Variants in ZMAT1 observed in about 807,000 individuals in gnomAD.
ZMAT1 encodes the protein zinc finger matrin-type 1.
In ZMAT1, 11 loss-of-function variants were observed where a neutral mutation model predicts 18.5. The ratio of observed to expected loss-of-function variants is 0.59; its 90% CI spans 0.37 to 0.98. The LOEUF (loss-of-function observed/expected upper bound fraction) is 0.98, where lower values mean the gene tolerates loss of function less well. ZMAT1 is among the 50% of genes least tolerant of loss of function. ZMAT1 has a pLI of 0.01. For missense variants in ZMAT1, 525 were observed against 496.2 expected, an observed-to-expected ratio of 1.06 and a Z score of -0.55; for synonymous variants, 211 against 176.4, an observed-to-expected ratio of 1.20 and a Z score of -1.55.
intron 1 of ZMAT1, among the ~76,000 whole-genome samples, chrX:101,931,131 A>G (rs746392973): frequency 1.8e-5 from 2 of 111,739 alleles, no homozygotes; most frequent in Non-Finnish European, 3.8e-5. Flanking sequence ...GACAGATCCT[A>G]CTTTAAAGCT....
At chrX:101,927,213 A>G (rs967592031) in intron 1 of ZMAT1, among the ~76,000 whole-genome samples, 13 of 112,628 alleles carry the variant, frequency 1.2e-4, no homozygotes, top group African/African-American at 3.2e-4. Context: ...GAAAAGAATG[A>G]GCAGAGCACA....
intron 1 of ZMAT1, 102 bp downstream of exon 1, chrX:101,931,615 G>GA: frequency 1.4e-6 from 1 of 712,994 alleles, no homozygotes; most frequent in Non-Finnish European, 1.7e-6. Context: ...CGGCAGGTGG[G>GA]GGTGGGGCAG....
At chrX:101,927,780 G>A (rs1364250939) in intron 1 of ZMAT1, among the ~76,000 whole-genome samples, 3 of 112,046 alleles carry the variant, frequency 2.7e-5, no homozygotes, top group African/African-American at 9.7e-5. Context: ...GTTAGTAAAT[G>A]TGAATGAATC....
Position 101,901,486 on chromosome X carries a change from C to A in ZMAT1, c.399+2738G>T, listed in dbSNP as rs140931487. Among the ~76,000 whole-genome samples the A allele has an allele frequency of 1.9e-4, 21 of 111,256 alleles. No homozygotes were observed. The East Asian group carries it at 5.4e-3, about 28-fold the overall frequency. ...ACATAATTTTAAAATGTGAAATATA[C>A]CCATTGTATAGGAAAGAACAGGAAA... On this transcript the variant is annotated intron_variant, in intron 2 of 5. Coordinates refer to ENST00000651725, the MANE Select transcript of ZMAT1 (RefSeq NM_001394560.1).
intron 4 of ZMAT1, among the ~76,000 whole-genome samples, chrX:101,893,900 A>G (rs141669537): frequency 9.0e-6 from 1 of 111,579 alleles, no homozygotes; most frequent in East Asian, 2.8e-4. Context: ...ACTGACCCAC[A>G]TAGATCATGC....
chrX:101,916,776 C>T (rs1461675166), intron 1 of ZMAT1, among the ~76,000 whole-genome samples: 4 of 111,651 alleles, frequency 3.6e-5, no homozygotes, highest in Non-Finnish European at 5.6e-5. Flanking sequence ...TCCTCCATTG[C>T]CTGACTTCAA....
At chrX:101,924,394 G>A (rs1421841702) in intron 1 of ZMAT1, among the ~76,000 whole-genome samples, 1 of 112,253 alleles carries the variant, frequency 8.9e-6, no homozygotes, top group Non-Finnish European at 1.9e-5. Flanking sequence ...TTACAGGCGT[G>A]AGCCACCGTG....
chrX:101,885,174 A>G (rs947396076), intron 5 of ZMAT1, among the ~76,000 whole-genome samples: 1 of 111,129 alleles, frequency 9.0e-6, no homozygotes, highest in African/African-American at 3.3e-5. Context: ...AAAGTAGCAG[A>G]TATATCTGAT....
At chrX:101,924,420 T>C (rs1289368964) in intron 1 of ZMAT1, among the ~76,000 whole-genome samples, 4 of 112,391 alleles carry the variant, frequency 3.6e-5, no homozygotes, top group Admixed American at 9.4e-5. Flanking sequence ...CCAAGGAGCC[T>C]ACTTTAGTGA....
chrX:101,884,559 T>C lies in ZMAT1; in HGVS notation c.1039A>G (p.Met347Val), dbSNP rs745816021. The part of the protein sequence containing the change: ...YAAPYNISQA[M>V]EKQLPHSKKT... The stretch of plus-strand genomic sequence containing the variant: ...TTTGAATGAGGTAACTGCTTTTCCA[T>C]TGCTTGTGAAATATTGTATGGTGCT... Residue 347 changes from methionine to valine, a missense_variant, in exon 6 of 6, where the codon ATG becomes GTG. Met to Val is a conservative substitution (Grantham distance 21). Coordinates refer to ENST00000651725, the MANE Select transcript of ZMAT1 (RefSeq NM_001394560.1). The C allele has an allele frequency of 8.3e-7, 1 of 1,211,114 alleles. No homozygotes were observed. The highest frequency in any genetic ancestry group is 1.8e-5 in the South Asian group (1 of 56,967).
In ZMAT1 at chrX:101,886,744, A is replaced by G. The variant is rs758221796; in HGVS notation, c.677-13T>C. ...CTCATACTAAATGCTGAAAAAACAA[A>G]GAGTTCAAGTTAAGAAGGTCAGTAT... On this transcript the variant is annotated splice_polypyrimidine_tract_variant and intron_variant, in intron 4 of 5. Coordinates refer to ENST00000651725, the MANE Select transcript of ZMAT1 (RefSeq NM_001394560.1). 3.0e-5 allele frequency: 34 copies of G among 1,126,658 alleles called. No individual in the cohort carries two copies. In the East Asian group the frequency reaches 8.7e-4, roughly 29 times the overall value. The allele number at this position is 1,126,658 out of a possible 1,213,427, so 92.8% of individuals were successfully genotyped here. A position where few individuals can be genotyped will look rare whatever the true frequency, so the allele number is the denominator to read the frequency against.
chrX:101,916,241 G>T (rs2147658744), intron 1 of ZMAT1, among the ~76,000 whole-genome samples: 1 of 109,862 alleles, frequency 9.1e-6, no homozygotes, highest in African/African-American at 3.3e-5. Flanking sequence ...GGCCAGTTGG[G>T]GGGTGGGGGC....
rs780807122 is a variant in ZMAT1, at chrX:101,898,127, T to G, written c.493A>C (p.Asn165His). 1.4e-5 allele frequency: 17 copies of G among 1,208,707 alleles called. No homozygotes were observed. The Admixed American group carries it at 3.7e-4, about 26-fold the overall frequency. The change falls in exon 3 of 6, where the codon AAT becomes CAT. Residue 165 changes from asparagine (N) to histidine (H), a missense_variant. Transcript: ENST00000651725. ...PGKKMKMHVENFQVHRYEGVD... is the reference protein window; with the variant it reads ...PGKKMKMHVEHFQVHRYEGVD... ...CAACACACATCACTCACCTGAAAAT[T>G]CTCAACATGCATCTTCATTTTCTTA...
In ZMAT1 at chrX:101,884,844, T is replaced by C. The variant is rs112942988; in HGVS notation, c.777-23A>G. The C allele has an allele frequency of 2.0e-4, 172 of 877,530 alleles. 1 individual carries two copies. The African/African-American group carries it at 2.9e-3, about 15-fold the overall frequency. The allele number at this position is 877,530 out of a possible 1,213,427, so 72.3% of individuals were successfully genotyped here. ...TCTCTGTAAAGAAGACAGTAGAAAA[T>C]TGTTATTAGATTATTTTATTCTAAA... On this transcript the variant is annotated intron_variant, in intron 5 of 5. Coordinates refer to ENST00000651725, the MANE Select transcript of ZMAT1 (RefSeq NM_001394560.1).
In ZMAT1 at chrX:101,931,962, G is replaced by T; in HGVS notation, c.47C>A (p.Ser16Tyr). The change falls in exon 1 of 6, where the codon TCC becomes TAC. Residue 16 changes from serine (S) to tyrosine (Y), a missense_variant. Transcript: ENST00000651725. ...GGCAGAGACGGTAGCTTCCTGAGGGGAAGACTCCGCCGCCAGCGGGGTGAC... is the reference window on the plus strand; with the variant it reads ...GGCAGAGACGGTAGCTTCCTGAGGGTAAGACTCCGCCGCCAGCGGGGTGAC... ...STVTPLAAES[S>Y]PQEATVSAAS... is the part of the protein sequence containing the mutation. The T allele has an allele frequency of 1.3e-6, 1 of 772,878 alleles. No individual in the cohort carries two copies. The highest frequency in any genetic ancestry group is 1.5e-6 in the Non-Finnish European group (1 of 651,806). The allele number at this position is 772,878 out of a possible 1,213,427, so 63.7% of individuals were successfully genotyped here.
intron 1 of ZMAT1, among the ~76,000 whole-genome samples, chrX:101,913,104 A>G (rs1929070221): frequency 8.9e-6 from 1 of 112,160 alleles, no homozygotes; most frequent in African/African-American, 3.2e-5. Flanking sequence ...TTAAGTTGTT[A>G]GCAGTTTAAA....
Position 101,908,430 on chromosome X carries a change from C to T in ZMAT1, c.293-4100G>A, listed in dbSNP as rs372490059. On this transcript the variant is annotated intron_variant, in intron 1 of 5. Coordinates refer to ENST00000651725, the MANE Select transcript of ZMAT1 (RefSeq NM_001394560.1). ...CAACTATCTACACAGAAAAAAATAC[C>T]TTCACAAGAACCAAAAATCAGGTGA... Among the ~76,000 whole-genome samples, 29 of 111,633 alleles carry T rather than the reference C, an allele frequency of 2.6e-4. 3 individuals are homozygous for T. The highest frequency in any genetic ancestry group is 2.2e-3 in the East Asian group (8 of 3,571).
chrX:101,925,042 G>GA (rs1020923447), intron 1 of ZMAT1, among the ~76,000 whole-genome samples: 1 of 111,895 alleles, frequency 8.9e-6, no homozygotes, highest in Non-Finnish European at 1.9e-5. Flanking sequence ...ATAAAATATT[G>GA]AAAAAAATAA....
In ZMAT1 at chrX:101,907,395, C is replaced by T. The variant is rs182508291; in HGVS notation, c.293-3065G>A. Among the ~76,000 whole-genome samples, 5 of 112,599 alleles carry T rather than the reference C, an allele frequency of 4.4e-5. No homozygotes were observed. In the East Asian group the frequency reaches 1.4e-3, roughly 31 times the overall value. On this transcript the variant is annotated intron_variant, in intron 1 of 5. Transcript: ENST00000651725. ...GCCAGCAAGCGTATCAGGGATCATA[C>T]CAGATGGCCTGCCCGGGAATCTCTG... is the stretch of plus-strand genomic sequence containing the variant.
Sources: gnomAD v4.1 joint callset for allele counts (sites outside exome capture counted in the v4.1 genomes callset) on GRCh38, gnomAD v4.1.1 for gene constraint, MANE v1.5 for transcripts, NCBI Gene and HGNC (gene_info 2026-07-23, HGNC 2026-07-21) for gene names.